Variants in GSE1 observed in about 807,000 individuals in gnomAD.
GSE1 encodes the protein genetic suppressor element 1.
Under a neutral mutation model 112.6 loss-of-function variants are expected in GSE1, and 32 were observed. That is an observed-to-expected ratio of 0.28 (90% CI 0.21 to 0.38). The LOEUF (loss-of-function observed/expected upper bound fraction) is 0.38, where lower values mean the gene tolerates loss of function less well. GSE1 is among the 10% of genes least tolerant of loss of function. The pLI is 1.00. For missense variants in GSE1, 2,348 were observed against 1,699.2 expected (o/e 1.38, Z -6.71); for synonymous variants, 1,115 against 735.6 (o/e 1.52, Z -8.35).
intron 2 of GSE1, among the ~76,000 whole-genome samples, chr16:85,499,027 G>A (rs908440470): frequency 2.6e-5 from 4 of 152,240 alleles, no homozygotes; most frequent in Non-Finnish European, 5.9e-5. Flanking sequence ...CCTGCATTTG[G>A]TGGAAGGCAG....
chr16:85,650,686 C>T (rs1307804728), intron 3 of GSE1, among the ~76,000 whole-genome samples: 2 of 152,194 alleles, frequency 1.3e-5, no homozygotes, highest in Non-Finnish European at 2.9e-5. Flanking sequence ...AGGGAAGGCG[C>T]GGGGCCGGCA....
At chr16:85,372,521 C>A (rs72811744) in intron 2 of GSE1, among the ~76,000 whole-genome samples, 8,176 of 150,676 alleles carry the variant, frequency 0.054, 334 homozygotes, top group Non-Finnish European at 0.075. Context: ...AACACACTAC[C>A]CTATGGCAAG....
intron 1 of GSE1, among the ~76,000 whole-genome samples, chr16:85,342,075 C>G (rs1343003165): frequency 5.3e-5 from 8 of 151,942 alleles, no homozygotes; most frequent in Non-Finnish European, 1.2e-4. Context: ...GGCCCGGTGG[C>G]CAGCCCTCCA....
intron 1 of GSE1, among the ~76,000 whole-genome samples, chr16:85,258,395 C>T (rs969761078): frequency 2.6e-5 from 4 of 152,216 alleles, no homozygotes; most frequent in African/African-American, 7.2e-5. Flanking sequence ...GATGTTGAGA[C>T]GAGGCCCACT....
intron 1 of GSE1, among the ~76,000 whole-genome samples, chr16:85,626,729 C>CG (rs1295387404): frequency 1.3e-5 from 2 of 152,204 alleles, no homozygotes; most frequent in East Asian, 1.9e-4. Context: ...GGTCTGGTGC[C>CG]GGGGAAGAGC....
intron 1 of GSE1, among the ~76,000 whole-genome samples, chr16:85,624,688 G>A (rs1412142137): frequency 6.6e-6 from 1 of 152,208 alleles, no homozygotes; most frequent in African/African-American, 2.4e-5. Flanking sequence ...TCCAGCCTCC[G>A]TTCAGCCTCT....
chr16:85,497,808 C>T (rs9931008), intron 2 of GSE1, among the ~76,000 whole-genome samples: 77,758 of 152,034 alleles, frequency 0.51, 20,229 homozygotes, highest in Non-Finnish European at 0.55. Context: ...TCTGCACCCC[C>T]GGCCCACAGC....
At chr16:85,360,330 G>A (rs919059990) in intron 2 of GSE1, among the ~76,000 whole-genome samples, 2 of 152,142 alleles carry the variant, frequency 1.3e-5, no homozygotes, top group Non-Finnish European at 2.9e-5. Flanking sequence ...CTGCAACAAC[G>A]GCTGACCTGG....
chr16:85,495,135 G>A (rs1055589104), intron 2 of GSE1, among the ~76,000 whole-genome samples: 4 of 152,182 alleles, frequency 2.6e-5, no homozygotes, highest in African/African-American at 4.8e-5. Flanking sequence ...TTTGTCCTTC[G>A]GGAGGAGGGG....
chr16:85,352,588 G>T (rs1032815141), intron 1 of GSE1, among the ~76,000 whole-genome samples: 2 of 152,156 alleles, frequency 1.3e-5, no homozygotes, highest in Admixed American at 6.5e-5. Context: ...CACATATGCA[G>T]GTTTCAGGGC....
chr16:85,280,046 G>A (rs144947866), intron 1 of GSE1, among the ~76,000 whole-genome samples: 5 of 152,192 alleles, frequency 3.3e-5, no homozygotes. Flanking sequence ...TCACCCAAAG[G>A]TTGCTGAGGG....
At chr16:85,199,776 G>A (rs2074995024) in intron 1 of GSE1, among the ~76,000 whole-genome samples, 1 of 152,152 alleles carries the variant, frequency 6.6e-6, no homozygotes, top group Non-Finnish European at 1.5e-5. Flanking sequence ...ACACAGCAGG[G>A]AACGGTTTTG....
intron 3 of GSE1, among the ~76,000 whole-genome samples, chr16:85,651,197 G>C (rs923851445): frequency 3.5e-4 from 53 of 151,802 alleles, no homozygotes; most frequent in African/African-American, 1.2e-3. Context: ...ACGGCAGTGA[G>C]ACCCCGGCTG....
chr16:85,574,013 C>G (rs759418468), intron 1 of GSE1, among the ~76,000 whole-genome samples: 44 of 152,346 alleles, frequency 2.9e-4, no homozygotes, highest in Middle Eastern at 3.4e-3. Flanking sequence ...CCCATCAGCT[C>G]AGCCCCCGCG....
intron 1 of GSE1, among the ~76,000 whole-genome samples, chr16:85,574,970 G>T (rs536115132): frequency 6.6e-6 from 1 of 152,292 alleles, no homozygotes; most frequent in Admixed American, 6.5e-5. Flanking sequence ...CGACAAGGCC[G>T]GGCAGCCCCC....
chr16:85,248,553 A>T (rs1397296920), intron 1 of GSE1, among the ~76,000 whole-genome samples: 3 of 150,754 alleles, frequency 2.0e-5, no homozygotes, highest in Non-Finnish European at 4.4e-5. Flanking sequence ...AGCAGCTGTT[A>T]CCTAATAGGC....
chr16:85,469,196 C>T (rs1352047144), intron 2 of GSE1, among the ~76,000 whole-genome samples: 1 of 151,906 alleles, frequency 6.6e-6, no homozygotes, highest in Non-Finnish European at 1.5e-5. Flanking sequence ...GTGGAGGTTG[C>T]AGTGAGCCGA....
chr16:85,443,678 G>A (rs796513175), intron 2 of GSE1, among the ~76,000 whole-genome samples: 18 of 152,342 alleles, frequency 1.2e-4, no homozygotes, highest in African/African-American at 4.3e-4. Flanking sequence ...GAGGTGCAAT[G>A]CCACATCCCC....
At chr16:85,252,422 C>G (rs1432726319) in intron 1 of GSE1, among the ~76,000 whole-genome samples, 1 of 152,212 alleles carries the variant, frequency 6.6e-6, no homozygotes, top group African/African-American at 2.4e-5. Flanking sequence ...CTGTGGAAAT[C>G]AGCCCTAGAC....
Sources: allele counts gnomAD v4.1 joint callset (sites outside exome capture counted in the v4.1 genomes callset), GRCh38; gene constraint gnomAD v4.1.1; transcripts MANE v1.5; gene names NCBI Gene and HGNC (gene_info 2026-07-23, HGNC 2026-07-21).